AGBL1: variants seen among roughly 807,000 people sequenced by gnomAD.
AGBL1 encodes the protein AGBL carboxypeptidase 1, also known as cytosolic carboxypeptidase 4.
Under a neutral mutation model 118.9 loss-of-function variants are expected in AGBL1, and 130 were observed. The ratio of observed to expected loss-of-function variants is 1.09; its 90% CI spans 0.95 to 1.26. The LOEUF (loss-of-function observed/expected upper bound fraction) is 1.26, where lower values mean the gene tolerates loss of function less well. AGBL1 is among the 50% of genes most tolerant of loss of function. The probability of loss-of-function intolerance (pLI) is 0.00; values close to 1 mark genes in which losing one functional copy is unlikely to be tolerated. For missense variants in AGBL1, 1,584 were observed against 1,298.1 expected, an observed-to-expected ratio of 1.22 and a Z score of -3.38; for synonymous variants, 555 against 478.9, an observed-to-expected ratio of 1.16 and a Z score of -2.08.
chr15:86,553,069 C>A (rs1041551580), intron 20 of AGBL1, among the ~76,000 whole-genome samples: 2 of 152,076 alleles, frequency 1.3e-5, no homozygotes, highest in South Asian at 2.1e-4. Flanking sequence ...AAAAACAATT[C>A]TTTCATTTGT....
chr15:86,495,250 C>A (rs565334508), intron 18 of AGBL1, among the ~76,000 whole-genome samples: 1 of 150,798 alleles, frequency 6.6e-6, no homozygotes, highest in South Asian at 2.1e-4. Context: ...TTATTAAATT[C>A]TTCTTTAATT....
intron 23 of AGBL1, among the ~76,000 whole-genome samples, chr15:86,925,728 T>TA (rs1343155336): frequency 6.7e-6 from 1 of 149,024 alleles, no homozygotes; most frequent in African/African-American, 2.5e-5. Flanking sequence ...TTCTTTTTTT[T>TA]TTTTTTTATT....
rs149322584 is a variant in AGBL1 at position 86,412,567 on chromosome 15, G to A, written c.2555+15021G>A. On this transcript the variant is annotated intron_variant, in intron 18 of 22. Transcript: ENST00000614907. ...TTGCTCTTGAGTGTGGAAGGATGAG[G>A]TGCAGCATAGTGGCTTTCCCATGCA... Among the ~76,000 whole-genome samples the A allele has an allele frequency of 7.8e-4, 119 of 152,252 alleles. 1 individual carries two copies. The highest frequency in any genetic ancestry group is 2.7e-3 in the African/African-American group (111 of 41,564).
chr15:86,526,861 G>A (rs574405811), intron 19 of AGBL1, among the ~76,000 whole-genome samples: 3 of 152,126 alleles, frequency 2.0e-5, no homozygotes, highest in Admixed American at 6.5e-5. Context: ...AAGGGGGTTG[G>A]TGGGAGTGGA....
At chr15:86,478,317 G>T (rs923615719) in intron 18 of AGBL1, among the ~76,000 whole-genome samples, 13 of 152,144 alleles carry the variant, frequency 8.5e-5, no homozygotes, top group Non-Finnish European at 1.6e-4. Flanking sequence ...TGACATGATT[G>T]TATATTTAGA....
At chr15:86,350,465 G>A (rs2080607860) in intron 17 of AGBL1, among the ~76,000 whole-genome samples, 1 of 152,238 alleles carries the variant, frequency 6.6e-6, no homozygotes. Flanking sequence ...TATGAAGTGA[G>A]CATGTGCTGG....
intron 22 of AGBL1, among the ~76,000 whole-genome samples, chr15:86,742,179 C>T (rs988399587): frequency 6.6e-6 from 1 of 152,072 alleles, no homozygotes; most frequent in Non-Finnish European, 1.5e-5. Context: ...AAACGTGACC[C>T]AGACTGCAAA....
intron 17 of AGBL1, among the ~76,000 whole-genome samples, chr15:86,302,928 T>C (rs998985723): frequency 2.8e-4 from 43 of 152,160 alleles, no homozygotes; most frequent in African/African-American, 1.0e-3. Flanking sequence ...AAAGTTTTTA[T>C]TGAAGGCAAT....
At chr15:86,295,515 G>T in intron 17 of AGBL1, 107 bp downstream of exon 17, 1 of 1,201,268 alleles carries the variant, frequency 8.3e-7, no homozygotes, top group Non-Finnish European at 1.1e-6. Flanking sequence ...AAGGGTTGGA[G>T]ACTGTCTGTC....
rs538269486 is a variant in AGBL1, at chr15:86,838,565, T to C, written c.3159-68522T>C. On this transcript the variant is annotated intron_variant, in intron 22 of 22. Coordinates refer to ENST00000614907, the MANE Select transcript of AGBL1 (RefSeq NM_001386094.1). ...GATCTAAGGCTGGGTTCTCAGATTTTGGGGTGCCTCACTGGCTTACATCAA... is the reference window on the plus strand; with the variant it reads ...GATCTAAGGCTGGGTTCTCAGATTTCGGGGTGCCTCACTGGCTTACATCAA... 5.9e-5 allele frequency among the ~76,000 whole-genome samples: 9 copies of C among 152,278 alleles called. No homozygotes were observed. In the South Asian group the frequency reaches 1.9e-3, roughly 32 times the overall value.
intron 21 of AGBL1, among the ~76,000 whole-genome samples, chr15:86,573,840 A>C (rs1179625913): frequency 6.6e-6 from 1 of 152,220 alleles, no homozygotes; most frequent in Non-Finnish European, 1.5e-5. Context: ...AAGAGTAGTA[A>C]AATTTAAATA....
chr15:86,639,267 T>C (rs944216319), intron 21 of AGBL1, among the ~76,000 whole-genome samples: 1 of 152,202 alleles, frequency 6.6e-6, no homozygotes, highest in Non-Finnish European at 1.5e-5. Context: ...GAAGTCTGCC[T>C]ACCACAATGA....
chr15:86,161,441 C>T (rs904613274), intron 5 of AGBL1, among the ~76,000 whole-genome samples: 2 of 152,194 alleles, frequency 1.3e-5, no homozygotes, highest in Non-Finnish European at 2.9e-5. Context: ...AGTTAAGTAA[C>T]ATGCTGGGTT....
At chr15:86,572,376 G>C (rs1333300653) in intron 21 of AGBL1, among the ~76,000 whole-genome samples, 1 of 152,180 alleles carries the variant, frequency 6.6e-6, no homozygotes, top group Non-Finnish European at 1.5e-5. Flanking sequence ...TGCAGTCTGG[G>C]GTGGGGGCTC....
At position 86,462,428 on chromosome 15, in the gene AGBL1, C is replaced by CT. The variant is rs201072402; in HGVS notation, c.2556-60374dup. On this transcript the variant is annotated intron_variant, in intron 18 of 22. Coordinates refer to ENST00000614907, the MANE Select transcript of AGBL1 (RefSeq NM_001386094.1). Reference sequence around the variant, plus strand: ...CCTCTGCTGCATCATTTCTTTCTTTCTTTTTTTTAAAAAAAAACACAAAAA... The same window carrying CT: ...CCTCTGCTGCATCATTTCTTTCTTTCTTTTTTTTTAAAAAAAAACACAAAAA... Among the ~76,000 whole-genome samples the CT allele has an allele frequency of 4.0e-4, 60 of 151,702 alleles. 1 individual carries two copies. The highest frequency in any genetic ancestry group is 5.6e-4 in the African/African-American group (23 of 41,354).
At chr15:86,751,088 C>T (rs564242693) in intron 22 of AGBL1, among the ~76,000 whole-genome samples, 1 of 152,008 alleles carries the variant, frequency 6.6e-6, no homozygotes, top group Non-Finnish European at 1.5e-5. Flanking sequence ...GTGAATAGTG[C>T]TGCAGTGAAC....
chr15:86,517,816 A>G (rs933017085), intron 18 of AGBL1, among the ~76,000 whole-genome samples: 1 of 151,982 alleles, frequency 6.6e-6, no homozygotes, highest in Non-Finnish European at 1.5e-5. Flanking sequence ...TCTTTTCTCC[A>G]TCCAAACCAT....
In AGBL1 at chr15:86,264,491, A is replaced by C. The variant is rs202246257; in HGVS notation, c.1320A>C (p.Gln440His). 1.7e-4 allele frequency: 270 copies of C among 1,614,022 alleles called. No homozygotes were observed. The Middle Eastern group carries it at 1.8e-3, about 11-fold the overall frequency. ...SKKNPGVNLY[Q>H]NVQSNSLRRD... ...AAAATCCTGGAGTGAACCTGTACCA[A>C]AATGTGCAATCCAATAGTCTCAGGA... The change falls in exon 11 of 23, where the codon CAA becomes CAC. Residue 440 changes from glutamine to histidine, a missense_variant. Coordinates refer to ENST00000614907, the MANE Select transcript of AGBL1 (RefSeq NM_001386094.1).
intron 18 of AGBL1, among the ~76,000 whole-genome samples, chr15:86,399,962 A>T (rs1032335569): frequency 6.6e-6 from 1 of 152,202 alleles, no homozygotes; most frequent in Non-Finnish European, 1.5e-5. Context: ...CTTGGAAATC[A>T]TAGTGTTATT....
Sources: allele counts gnomAD v4.1 joint callset (sites outside exome capture counted in the v4.1 genomes callset), GRCh38; gene constraint gnomAD v4.1.1; transcripts MANE v1.5; gene names NCBI Gene and HGNC (gene_info 2026-07-23, HGNC 2026-07-21).